Variants in MCC observed in about 807,000 individuals in gnomAD.
MCC encodes the protein MCC regulator of Wnt signaling pathway.
Under a neutral mutation model 116.2 loss-of-function variants are expected in MCC, and 90 were observed. The observed-to-expected ratio is 0.77, with a 90% CI of 0.65 to 0.92. MCC has a LOEUF of 0.92. MCC is among the 40% of genes least tolerant of loss of function. The probability of loss-of-function intolerance (pLI) is 0.00; values close to 1 mark genes in which losing one functional copy is unlikely to be tolerated. For synonymous variants in MCC, 578 were observed against 510.5 expected, an observed-to-expected ratio of 1.13 and a Z score of -1.78; for missense variants, 1,516 against 1,312.2, an observed-to-expected ratio of 1.16 and a Z score of -2.40.
intron 3 of MCC, among the ~76,000 whole-genome samples, chr5:113,220,303 C>G (rs1184690219): frequency 1.3e-5 from 2 of 151,856 alleles, no homozygotes; most frequent in Non-Finnish European, 2.9e-5. Context: ...TCATGATCCA[C>G]CCACCTCGGC....
At chr5:113,444,118 TA>T (rs143663228) in intron 1 of MCC, among the ~76,000 whole-genome samples, 3,383 of 152,146 alleles carry the variant, frequency 0.022, 76 homozygotes, top group East Asian at 0.075. Flanking sequence ...GTGCTGGGAT[TA>T]CAGGTGTGCA....
In MCC at chr5:113,235,979, G is replaced by C. The variant is rs111506804; in HGVS notation, c.628-84557C>G. Among the ~76,000 whole-genome samples, 153 of 152,266 alleles carry C rather than the reference G, an allele frequency of 1.0e-3. 2 individuals carry two copies. The highest frequency in any genetic ancestry group is 3.4e-3 in the African/African-American group (141 of 41,560). ...GAGTTCAGAAGATTGAGGCAGCTTT[G>C]GTGATGTTCCCGCTACCATTTCCTT... On this transcript the variant is annotated intron_variant, in intron 3 of 18. Transcript: ENST00000408903.
intron 3 of MCC, among the ~76,000 whole-genome samples, chr5:113,297,683 C>A (rs1371776721): frequency 1.5e-5 from 2 of 136,754 alleles, no homozygotes; most frequent in Non-Finnish European, 3.0e-5. Context: ...AACCAGGAGG[C>A]AGATGTTGCA....
At chr5:113,056,349 TAGAGAA>T (rs1752831868) in intron 14 of MCC, among the ~76,000 whole-genome samples, 1 of 152,024 alleles carries the variant, frequency 6.6e-6, no homozygotes, top group Admixed American at 6.6e-5. Flanking sequence ...GTAGACTAGA[TAGAGAA>T]AATGTGGCAC....
At chr5:113,057,231 CT>C (rs966729268) in intron 14 of MCC, among the ~76,000 whole-genome samples, 14 of 152,120 alleles carry the variant, frequency 9.2e-5, no homozygotes, top group African/African-American at 3.1e-4. Flanking sequence ...AGGGCTGTGT[CT>C]TTTTCTCTAG....
intron 16 of MCC, among the ~76,000 whole-genome samples, chr5:113,047,786 T>G (rs1752194528): frequency 6.6e-6 from 1 of 150,862 alleles, no homozygotes; most frequent in African/African-American, 2.4e-5. Context: ...CCCAACACAG[T>G]ATTTGGAAAA....
intron 3 of MCC, among the ~76,000 whole-genome samples, chr5:113,258,211 T>C (rs1356624531): frequency 6.6e-6 from 1 of 152,202 alleles, no homozygotes; most frequent in East Asian, 1.9e-4. Flanking sequence ...AAGACAAACA[T>C]TGTATATAAT....
At chr5:113,148,879 G>C (rs1029633676) in intron 4 of MCC, among the ~76,000 whole-genome samples, 5 of 152,078 alleles carry the variant, frequency 3.3e-5, no homozygotes, top group African/African-American at 1.2e-4. Context: ...TTATCATCAA[G>C]GGTAAAATCA....
chr5:113,129,944 A>G (rs543550188), intron 5 of MCC, among the ~76,000 whole-genome samples: 5 of 152,382 alleles, frequency 3.3e-5, no homozygotes, highest in South Asian at 4.1e-4. Context: ...TCAAGGATCT[A>G]GAACCAGAAA....
chr5:113,076,113 A>C (rs574744436), intron 11 of MCC, among the ~76,000 whole-genome samples: 2 of 152,310 alleles, frequency 1.3e-5, no homozygotes, highest in East Asian at 3.9e-4. Context: ...TTCATTCTTG[A>C]AGTCAGCAAG....
At chr5:113,281,440 G>GC (rs1219070088) in intron 3 of MCC, among the ~76,000 whole-genome samples, 1 of 152,126 alleles carries the variant, frequency 6.6e-6, no homozygotes, top group Non-Finnish European at 1.5e-5. Context: ...CTGTTTCTCT[G>GC]CAGTGCATCC....
intron 5 of MCC, among the ~76,000 whole-genome samples, chr5:113,126,413 C>T (rs1480425324): frequency 6.6e-6 from 1 of 152,134 alleles, no homozygotes; most frequent in Admixed American, 6.6e-5. Context: ...CAGCCTAATT[C>T]CTAAATTTCA....
chr5:113,270,195 TA>T (rs1561496587), intron 3 of MCC, among the ~76,000 whole-genome samples: 13 of 152,308 alleles, frequency 8.5e-5, no homozygotes, highest in African/African-American at 3.1e-4. Flanking sequence ...ATTCCTTCTT[TA>T]GCATTTTCAA....
chr5:113,128,562 G>C (rs1400542738), intron 5 of MCC, among the ~76,000 whole-genome samples: 1 of 152,150 alleles, frequency 6.6e-6, no homozygotes, highest in Non-Finnish European at 1.5e-5. Flanking sequence ...ATAGCATAGA[G>C]AAGATCAGAC....
At chr5:113,295,936 C>G (rs1766697636) in intron 3 of MCC, among the ~76,000 whole-genome samples, 1 of 152,148 alleles carries the variant, frequency 6.6e-6, no homozygotes, top group South Asian at 2.1e-4. Flanking sequence ...TGTGAAAAAG[C>G]CATTGTATTG....
intron 3 of MCC, among the ~76,000 whole-genome samples, chr5:113,170,734 CAAG>C (rs1251301449): frequency 1.3e-5 from 2 of 152,078 alleles, no homozygotes; most frequent in South Asian, 2.1e-4. Context: ...CAAAATTTGA[CAAG>C]AAGTTATAGA....
chr5:113,487,079 T>C (rs1215585132), intron 1 of MCC, among the ~76,000 whole-genome samples: 1 of 152,174 alleles, frequency 6.6e-6, no homozygotes, highest in African/African-American at 2.4e-5. Context: ...CTTCCTAATG[T>C]TTCTCAGTAA....
At chr5:113,162,849 C>G (rs1760565946) in intron 3 of MCC, among the ~76,000 whole-genome samples, 1 of 152,120 alleles carries the variant, frequency 6.6e-6, no homozygotes, top group Non-Finnish European at 1.5e-5. Flanking sequence ...CTTCTGCCTG[C>G]TAAAAAGTGT....
intron 3 of MCC, among the ~76,000 whole-genome samples, chr5:113,275,561 A>C (rs1418748775): frequency 6.6e-6 from 1 of 152,218 alleles, no homozygotes; most frequent in Admixed American, 6.5e-5. Context: ...CAGACTTTGC[A>C]AAACAGATTA....
Sources: gnomAD v4.1 joint callset for allele counts (sites outside exome capture counted in the v4.1 genomes callset) on GRCh38, gnomAD v4.1.1 for gene constraint, MANE v1.5 for transcripts, NCBI Gene and HGNC (gene_info 2026-07-23, HGNC 2026-07-21) for gene names.